The following ATF2 variants were observed in gnomAD, a reference collection of about 807,000 sequenced individuals.
The protein encoded by ATF2 is activating transcription factor 2.
Under a neutral mutation model 60.6 loss-of-function variants are expected in ATF2, and 24 were observed. The observed-to-expected ratio is 0.40, with a 90% CI of 0.29 to 0.56. The LOEUF is 0.56. ATF2 is among the 20% of genes least tolerant of loss of function. The pLI is 0.54. For synonymous variants in ATF2, 206 were observed against 215.4 expected (o/e 0.96, Z 0.38); for missense variants, 433 against 607.7 (o/e 0.71, Z 3.02).
chr2:175,123,012 G>T lies in ATF2; in HGVS notation c.103-1472C>A, dbSNP rs143546052. 2.6e-4 allele frequency among the ~76,000 whole-genome samples: 40 copies of T among 152,100 alleles called. No individual in the cohort carries two copies. The East Asian group carries it at 7.3e-3, about 28-fold the overall frequency. ...GAACCTGCCTGTATTACCACTGAAG[G>T]AGAGTGTTCAGATGCAACAACACTT... On this transcript the variant is annotated intron_variant, in intron 4 of 13. Coordinates refer to ENST00000264110, the MANE Select transcript of ATF2 (RefSeq NM_001880.4).
At chr2:175,077,854 G>C (rs1294188566) in intron 13 of ATF2, among the ~76,000 whole-genome samples, 1 of 152,178 alleles carries the variant, frequency 6.6e-6, no homozygotes, top group East Asian at 1.9e-4. Context: ...ACAAGCACTA[G>C]AGAGATACAG....
intron 11 of ATF2, among the ~76,000 whole-genome samples, chr2:175,094,941 C>CA (rs1559060095): frequency 6.6e-6 from 1 of 151,716 alleles, no homozygotes; most frequent in Non-Finnish European, 1.5e-5. Context: ...GATCCCGTCT[C>CA]AAAAAAGAAA....
At chr2:175,122,960 A>G (rs1697072467) in intron 4 of ATF2, among the ~76,000 whole-genome samples, 1 of 152,084 alleles carries the variant, frequency 6.6e-6, no homozygotes, top group African/African-American at 2.4e-5. Flanking sequence ...TGCCAACAGA[A>G]AACTATTATT....
At chr2:175,118,513 A>G in intron 5 of ATF2, 144 bp from the exon 6 acceptor site, 1 of 658,706 alleles carries the variant, frequency 1.5e-6, no homozygotes, top group Non-Finnish European at 2.4e-6. Flanking sequence ...TAAAACAAAC[A>G]AAATTTGGTT....
rs765758849 is a variant in ATF2 at position 175,114,845 on chromosome 2, T to C, written c.471A>G (p.Ala157=). The C allele has an allele frequency of 2.5e-6, 4 of 1,613,528 alleles. No homozygotes were observed. The highest frequency in any genetic ancestry group is 3.4e-6 in the Non-Finnish European group (4 of 1,179,650). Residue 157 remains alanine (A), a synonymous_variant, in exon 8 of 14, where the codon GCA becomes GCG. Coordinates refer to ENST00000264110, the MANE Select transcript of ATF2 (RefSeq NM_001880.4). ...GACGAACAATAGCTGATGTGGGCTG[T>C]GCAGTTTGTGCCAATGGTACTTCCT... The part of the protein sequence containing the change: ...DEKEVPLAQT[A]QPTSAIVRPA...
chr2:175,153,579 C>T (rs1443871086), intron 1 of ATF2, among the ~76,000 whole-genome samples: 1 of 152,176 alleles, frequency 6.6e-6, no homozygotes, highest in Non-Finnish European at 1.5e-5. Context: ...CCCGTAATCA[C>T]AGCACTTTAG....
At position 175,093,246 on chromosome 2, in the gene ATF2, G is replaced by C. The variant is rs372839325; in HGVS notation, c.1000C>G (p.Pro334Ala). 1 of 1,613,922 alleles carries C rather than the reference G, an allele frequency of 6.2e-7. No homozygotes were observed. The highest frequency in any genetic ancestry group is 8.5e-7 in the Non-Finnish European group (1 of 1,179,996). Residue 334 changes from proline (P) to alanine (A), a missense_variant, in exon 12 of 14, where the codon CCA becomes GCA. By Grantham distance (27) the Pro-to-Ala change is conservative (BLOSUM62 -1). Around this residue, in one of 5 missense-constraint regions of ATF2, gnomAD observed 246 missense variants for 309.3 expected, o/e 0.80. Coordinates refer to ENST00000264110, the MANE Select transcript of ATF2 (RefSeq NM_001880.4). ...CGACCACTTGTACTTTGGGTCTGTG[G>C]AGTTGTGTGAGCTGGAGAAGCCTAT... ...ETPASPAHTT[P>A]QTQSTSGRRR...
chr2:175,080,784 A>C lies in ATF2; in HGVS notation c.1186-19T>G. ...CTTCACTCTGGAGAAGAAACAACTT[A>C]TGTACCTTACCACAGACTAAACATA... On this transcript the variant is annotated intron_variant, in intron 12 of 13. Coordinates refer to ENST00000264110, the MANE Select transcript of ATF2 (RefSeq NM_001880.4). 3.8e-6 allele frequency: 6 copies of C among 1,586,066 alleles called. No individual in the cohort carries two copies. The highest frequency in any genetic ancestry group is 5.2e-6 in the Non-Finnish European group (6 of 1,155,228).
At chr2:175,100,479 C>T (rs1357732643) in intron 10 of ATF2, among the ~76,000 whole-genome samples, 2 of 152,142 alleles carry the variant, frequency 1.3e-5, no homozygotes, top group Admixed American at 1.3e-4. Context: ...GTAGAGGTTC[C>T]TCTTCAAAGA....
At chr2:175,097,631 CT>C in intron 10 of ATF2, 38 bp from the exon 11 acceptor site, 1 of 1,606,364 alleles carries the variant, frequency 6.2e-7, no homozygotes, top group Non-Finnish European at 8.5e-7. Context: ...TTTTTAAGTC[CT>C]TAAAGATCAT....
intron 1 of ATF2, among the ~76,000 whole-genome samples, chr2:175,157,033 T>C (rs1247341339): frequency 6.6e-6 from 1 of 152,202 alleles, no homozygotes; most frequent in Non-Finnish European, 1.5e-5. Context: ...AGCATTTGTA[T>C]AAAAATTCAC....
At chr2:175,097,716 G>A in intron 10 of ATF2, 123 bp from the exon 11 acceptor site, 1 of 1,006,992 alleles carries the variant, frequency 9.9e-7, no homozygotes, top group South Asian at 1.6e-5. Flanking sequence ...ACTACTAGAG[G>A]ATTCTGTATT....
intron 11 of ATF2, among the ~76,000 whole-genome samples, chr2:175,093,517 T>C (rs1352632399): frequency 6.6e-6 from 1 of 152,292 alleles, no homozygotes; most frequent in South Asian, 2.1e-4. Context: ...TTATGTATAA[T>C]ATTTTCATTT....
chr2:175,126,638 CTGTT>C (rs1183546291), intron 4 of ATF2, among the ~76,000 whole-genome samples: 1 of 152,086 alleles, frequency 6.6e-6, no homozygotes, highest in East Asian at 1.9e-4. Context: ...AGTTTTTCTT[CTGTT>C]TAATTGTAAT....
rs1693344756 is a variant in ATF2, at chr2:175,076,803, T to C, written c.1292-1968A>G. Among the ~76,000 whole-genome samples, 3 of 152,258 alleles carry C rather than the reference T, an allele frequency of 2.0e-5. No homozygotes were observed. The South Asian group carries it at 6.2e-4, about 32-fold the overall frequency. On this transcript the variant is annotated intron_variant, in intron 13 of 13. Transcript: ENST00000264110. ...TAAAATTTTTTTATTTTTATCACTT[T>C]TTAAAAATTATACTTTAAGTTTTAG...
At chr2:175,099,526 C>T (rs1695172236) in intron 10 of ATF2, among the ~76,000 whole-genome samples, 1 of 152,148 alleles carries the variant, frequency 6.6e-6, no homozygotes, top group Non-Finnish European at 1.5e-5. Context: ...ACTCCCTGGC[C>T]CTGGAAACGA....
At chr2:175,115,932 A>G (rs1423786875) in intron 7 of ATF2, among the ~76,000 whole-genome samples, 1 of 152,134 alleles carries the variant, frequency 6.6e-6, no homozygotes, top group African/African-American at 2.4e-5. Context: ...TGATAAAAGG[A>G]TGAGGAGGAG....
Position 175,072,670 on chromosome 2 carries a change from C to A in ATF2, c.*1939G>T. ...CATTCAAACTACAATAAAAAATAGC[C>A]TTCTTGCAGAATTCATATTTTGTGC... is the stretch of plus-strand genomic sequence containing the variant. On this transcript the variant is annotated 3_prime_UTR_variant, in exon 14 of 14. Transcript: ENST00000264110. 6.6e-6 allele frequency: 1 copy of A among 152,012 alleles called. No individual in the cohort carries two copies. The highest frequency in any genetic ancestry group is 1.9e-4 in the East Asian group (1 of 5,188). The allele number at this position is 152,012 out of a possible 1,614,324, so 9.4% of individuals were successfully genotyped here.
chr2:175,136,550 AAAT>A (rs1698154660), intron 2 of ATF2, 64 bp from the exon 3 acceptor site: 1 of 1,073,618 alleles, frequency 9.3e-7, no homozygotes, highest in African/African-American at 1.6e-5. Context: ...AAACAGTAGA[AAAT>A]AAAGTGCTCA....
Sources: gnomAD v4.1 joint callset for allele counts (sites outside exome capture counted in the v4.1 genomes callset) on GRCh38, gnomAD v4.1.1 for gene constraint, gnomAD v4.1.1 regional missense constraint, MANE v1.5 for transcripts, NCBI Gene and HGNC (gene_info 2026-07-23, HGNC 2026-07-21) for gene names.